PNLDC1: variants seen among roughly 807,000 people sequenced by gnomAD.
PNLDC1 encodes PARN like ribonuclease domain containing exonuclease 1.
Under a neutral mutation model 82.0 loss-of-function variants are expected in PNLDC1, and 70 were observed. The ratio of observed to expected loss-of-function variants is 0.85; its 90% CI spans 0.70 to 1.04. The LOEUF is 1.04. Among genes scored for constraint, PNLDC1 ranks in the 50% least tolerant of loss-of-function variants. PNLDC1 has a pLI of 0.00. For synonymous variants in PNLDC1, 280 were observed against 249.3 expected (o/e 1.12, Z -1.16); for missense variants, 631 against 661.1 (o/e 0.95, Z 0.50).
At position 159,819,895 on chromosome 6, in the gene PNLDC1, C is replaced by T. The variant is rs1781978904; in HGVS notation, c.1532+543C>T. On this transcript the variant is annotated intron_variant, in intron 18 of 18. Transcript: ENST00000392167. The surrounding 1 kb of genome is among the most constrained non-coding windows in gnomAD (Gnocchi z 4.6). The stretch of plus-strand genomic sequence containing the variant: ...CAGTGCCCCCCAGCTGGGGGCCACC[C>T]AGGGAGGACGTGGGCTTCTCTCAGG... Among the ~76,000 whole-genome samples, 1 of 152,058 alleles carries T rather than the reference C, an allele frequency of 6.6e-6. No homozygotes were observed. Among genetic ancestry groups the T allele is most frequent in the African/African-American group, 2.4e-5 (1 of 41,412 alleles).
Position 159,810,090 on chromosome 6 carries a change from TC to T in PNLDC1, c.851del (p.Pro284GlnfsTer24). 1 of 1,613,770 alleles carries T rather than the reference TC, an allele frequency of 6.2e-7. No individual in the cohort carries two copies. Among genetic ancestry groups the T allele is most frequent in the Non-Finnish European group, 8.5e-7 (1 of 1,179,652 alleles). ...CTCCATGAGAAGTTCTTCAGACCCCTCCCAGGTAGGGGCAAACCTGTCATTT... is the reference window on the plus strand; with the variant it reads ...CTCCATGAGAAGTTCTTCAGACCCCTCCAGGTAGGGGCAAACCTGTCATTT... ...LHLHEKFFRP[L>X]PESYDQFKQN... On this transcript the variant is annotated frameshift_variant, in exon 10 of 19. Coordinates refer to ENST00000392167, the MANE Select transcript of PNLDC1 (RefSeq NM_001271862.2). LOFTEE classifies it high-confidence loss of function.
Position 159,801,168 on chromosome 6 carries a change from T to A in PNLDC1, c.190T>A (p.Phe64Ile). The change falls in exon 3 of 19, where the codon TTT becomes ATT. Residue 64 changes from phenylalanine (F) to isoleucine (I), a missense_variant. By Grantham distance (21) the Phe-to-Ile change is conservative. Coordinates refer to ENST00000392167, the MANE Select transcript of PNLDC1 (RefSeq NM_001271862.2). ...YLKTRQSVQQ[F>I]TVCQIGLSVF... ...AAAGACCCGTCAGAGTGTTCAGCAA[T>A]TTACAGTCTGTCAGATTGGTGAGTT... 6.2e-7 allele frequency: 1 copy of A among 1,614,148 alleles called. No homozygotes were observed. The highest frequency in any genetic ancestry group is 8.5e-7 in the Non-Finnish European group (1 of 1,179,966).
intron 10 of PNLDC1, among the ~76,000 whole-genome samples, chr6:159,810,439 T>TA (rs1346234538): frequency 3.3e-5 from 5 of 152,242 alleles, no homozygotes; most frequent in Admixed American, 3.3e-4. Flanking sequence ...AATTTTTACA[T>TA]ATTTGATTAC....
At position 159,818,612 on chromosome 6, in the gene PNLDC1, C is replaced by A. The variant is rs148786148; in HGVS notation, c.1215C>A (p.Tyr405Ter). 8.1e-6 allele frequency: 13 copies of A among 1,613,900 alleles called. No homozygotes were observed. The highest frequency in any genetic ancestry group is 1.1e-5 in the Non-Finnish European group (13 of 1,180,034). The change falls in exon 16 of 19, where the codon TAC (tyrosine) becomes TAA (stop). Residue 405 changes from tyrosine (Y) to a stop codon, truncating the protein, a stop_gained. Coordinates refer to ENST00000392167, the MANE Select transcript of PNLDC1 (RefSeq NM_001271862.2). LOFTEE classifies it high-confidence loss of function. ...AGTACCTTGACGTGCTGGCTCCTTA[C>A]GTGAACCAAGTGAACCTCATCCGAG... ...FPQYLDVLAP[Y>*]VNQVNLIRAG... is the part of the protein sequence containing the mutation.
Position 159,811,734 on chromosome 6 carries a change from G to T in PNLDC1, c.887G>T (p.Ser296Ile). The T allele has an allele frequency of 6.2e-7, 1 of 1,613,780 alleles. No homozygotes were observed. Among genetic ancestry groups the T allele is most frequent in the Non-Finnish European group, 8.5e-7 (1 of 1,179,700 alleles). The change falls in exon 11 of 19, where the codon AGC becomes ATC. Residue 296 changes from serine (S) to isoleucine (I), a missense_variant. Ser to Ile is a moderately radical substitution (Grantham distance 142). Transcript: ENST00000392167. Reference protein sequence around the residue: ...SYDQFKQNIHSLFPVLIDTKS... With the variant: ...SYDQFKQNIHILFPVLIDTKS... ...GATCAATTTAAGCAGAATATCCACA[G>T]CCTATTTCCTGTTCTCATTGATACC...
At chr6:159,806,775 A>G (rs531418201) in intron 7 of PNLDC1, among the ~76,000 whole-genome samples, 2 of 152,268 alleles carry the variant, frequency 1.3e-5, no homozygotes, top group South Asian at 2.1e-4. Flanking sequence ...ATATGTCAAT[A>G]TAGGTATGTA....
chr6:159,816,231 G>A (rs1309089266), intron 13 of PNLDC1, among the ~76,000 whole-genome samples, 198 bp downstream of exon 13: 1 of 69,842 alleles, frequency 1.4e-5, no homozygotes, highest in African/African-American at 5.4e-5. Context: ...GGAGGTTTGT[G>A]TGGGGTTTTC....
intron 12 of PNLDC1, among the ~76,000 whole-genome samples, chr6:159,813,973 CAGG>C (rs1781730447): frequency 6.6e-6 from 1 of 152,190 alleles, no homozygotes; most frequent in Non-Finnish European, 1.5e-5. Flanking sequence ...CAAGGCCAGG[CAGG>C]AGGAGCTGCC....
chr6:159,811,397 A>G (rs1781639793), intron 10 of PNLDC1, among the ~76,000 whole-genome samples: 1 of 152,094 alleles, frequency 6.6e-6, no homozygotes, highest in African/African-American at 2.4e-5. Flanking sequence ...TTCTGATAAT[A>G]CTTCTATTTT....
chr6:159,810,136 T>C (rs1333023308), intron 10 of PNLDC1, 41 bp downstream of exon 10: 3 of 1,569,088 alleles, frequency 1.9e-6, no homozygotes, highest in Non-Finnish European at 2.6e-6. Flanking sequence ...CACGCTAGTT[T>C]GCCATCTGGC....
At chr6:159,804,759 T>C in intron 6 of PNLDC1, 122 bp downstream of exon 6, 3 of 674,068 alleles carry the variant, frequency 4.5e-6, no homozygotes, top group Non-Finnish European at 7.6e-6. Flanking sequence ...GGGGATGGCT[T>C]CAGCTGCCTG....
chr6:159,816,702 G>A, intron 14 of PNLDC1, 106 bp downstream of exon 14: 2 of 1,021,448 alleles, frequency 2.0e-6, no homozygotes, highest in South Asian at 1.3e-5. Context: ...TGAGGATCTC[G>A]GCTCACTGCA....
At chr6:159,802,958 A>T (rs1411076951) in intron 3 of PNLDC1, among the ~76,000 whole-genome samples, 1 of 152,084 alleles carries the variant, frequency 6.6e-6, no homozygotes, top group Non-Finnish European at 1.5e-5. Flanking sequence ...AATGAGTTAA[A>T]TATATAAATC....
At chr6:159,808,454 A>G (rs967537135) in intron 7 of PNLDC1, among the ~76,000 whole-genome samples, 2 of 151,696 alleles carry the variant, frequency 1.3e-5, no homozygotes, top group Non-Finnish European at 2.9e-5. Context: ...AATTTCTAAC[A>G]TGTTTAATAT....
In PNLDC1 at chr6:159,816,048, G is replaced by T. The variant is rs1342889069; in HGVS notation, c.1060+15G>T. On this transcript the variant is annotated intron_variant, in intron 13 of 18. Coordinates refer to ENST00000392167, the MANE Select transcript of PNLDC1 (RefSeq NM_001271862.2). ...TGAGAAATATGGTACGTTCCCATGA[G>T]CCCATAATCCTTGCACAGTCGGCAG... 1 of 1,571,412 alleles carries T rather than the reference G, an allele frequency of 6.4e-7. No individual in the cohort carries two copies. Among genetic ancestry groups the T allele is most frequent in the East Asian group, 2.4e-5 (1 of 42,308 alleles).
chr6:159,813,252 C>G (rs916246163), intron 11 of PNLDC1, among the ~76,000 whole-genome samples: 3 of 152,218 alleles, frequency 2.0e-5, no homozygotes, highest in African/African-American at 7.2e-5. Context: ...CCAAAGCCCT[C>G]TAGGCCTTAG....
chr6:159,804,803 G>A (rs1438044581), intron 6 of PNLDC1, among the ~76,000 whole-genome samples, 166 bp downstream of exon 6: 1 of 152,210 alleles, frequency 6.6e-6, no homozygotes, highest in African/African-American at 2.4e-5. Flanking sequence ...TGCCCCAACT[G>A]AGAATGGCTT....
chr6:159,818,610 T>TA lies in PNLDC1; in HGVS notation c.1214dup (p.Tyr405Ter), dbSNP rs1176014765. 2 of 1,613,910 alleles carry TA rather than the reference T, an allele frequency of 1.2e-6. No homozygotes were observed. Among genetic ancestry groups the TA allele is most frequent in the South Asian group, 2.2e-5 (2 of 91,082 alleles). Residue 405 changes from tyrosine to a stop codon, truncating the protein, a stop_gained and frameshift_variant, in exon 16 of 19, where the codon TAC becomes TAAC. Coordinates refer to ENST00000392167, the MANE Select transcript of PNLDC1 (RefSeq NM_001271862.2). LOFTEE classifies it high-confidence loss of function. ...FPQYLDVLAP[Y>*]VNQVNLIRAG... Reference sequence around the variant, plus strand: ...TCAGTACCTTGACGTGCTGGCTCCTTACGTGAACCAAGTGAACCTCATCCG... The same window carrying TA: ...TCAGTACCTTGACGTGCTGGCTCCTTAACGTGAACCAAGTGAACCTCATCCG...
At chr6:159,807,958 A>T (rs934120811) in intron 7 of PNLDC1, among the ~76,000 whole-genome samples, 1 of 151,352 alleles carries the variant, frequency 6.6e-6, no homozygotes, top group African/African-American at 2.4e-5. Flanking sequence ...CTGTTGCCCA[A>T]GCTGGAGTGC....
Sources: gnomAD v4.1 joint callset for allele counts (sites outside exome capture counted in the v4.1 genomes callset) on GRCh38, gnomAD v4.1.1 for gene constraint, Gnocchi (gnomAD v3.1) non-coding constraint, MANE v1.5 for transcripts, NCBI Gene and HGNC (gene_info 2026-07-23, HGNC 2026-07-21) for gene names.